The following LGI1 variants were observed in gnomAD, a reference collection of about 807,000 sequenced individuals.
LGI1 encodes leucine-rich glioma-inactivated protein 1.
LGI1 carries 11 observed loss-of-function variants against 57.7 expected under a neutral mutation model. The ratio of observed to expected loss-of-function variants is 0.19; its 90% confidence interval spans 0.12 to 0.32. LGI1 has a LOEUF of 0.32. Ranked by LOEUF, LGI1 falls within the 10% of genes least tolerant of loss-of-function variation. LGI1 has a pLI of 1.00. For synonymous variants in LGI1, 222 were observed against 241.9 expected (o/e 0.92, Z 0.76); for missense variants, 422 against 661.9 (o/e 0.64, Z 3.98).
chr10:93,759,249 T>C (rs1427783698), intron 2 of LGI1: 2 of 179,686 alleles, frequency 1.1e-5, no homozygotes, highest in Non-Finnish European at 2.3e-5. Context: ...CTACTCTGTA[T>C]GATTTACCAT....
intron 4 of LGI1, among the ~76,000 whole-genome samples, chr10:93,780,080 C>G (rs1421643844): frequency 6.6e-6 from 1 of 152,154 alleles, no homozygotes. Flanking sequence ...AAGATCTAGT[C>G]CCACCTTAGA....
intron 4 of LGI1, among the ~76,000 whole-genome samples, chr10:93,783,600 C>A (rs1712540652): frequency 6.6e-6 from 1 of 152,204 alleles, no homozygotes; most frequent in Non-Finnish European, 1.5e-5. Context: ...TTTGAGCTTT[C>A]TCCCCCAGTG....
intron 4 of LGI1, among the ~76,000 whole-genome samples, chr10:93,785,042 TTGAAG>T (rs541074311): frequency 6.0e-4 from 92 of 152,354 alleles, no homozygotes; most frequent in Middle Eastern, 3.4e-3. Flanking sequence ...CCAACTTTTC[TTGAAG>T]TGAAGAAATA....
At chr10:93,796,764 G>T (rs1259056471) in intron 7 of LGI1, among the ~76,000 whole-genome samples, 1 of 152,146 alleles carries the variant, frequency 6.6e-6, no homozygotes, top group African/African-American at 2.4e-5. Context: ...TCAATTGTTG[G>T]CAACAAGGCC....
At chr10:93,769,911 A>G (rs1014923616) in intron 2 of LGI1, 3 of 152,222 alleles carry the variant, frequency 2.0e-5, no homozygotes, top group Admixed American at 6.5e-5. Flanking sequence ...TGGGCCAGAT[A>G]CAATTCTAAT....
chr10:93,758,528 T>A lies in LGI1; in HGVS notation c.215+169T>A, dbSNP rs998989760. The stretch of plus-strand genomic sequence containing the variant: ...CTGCATTTAGAATTTTTGATTTTTT[T>A]AGCTGCTACTGAACATGCTTAGATA... On this transcript the variant is annotated intron_variant, in intron 1 of 7. Transcript: ENST00000371418. This position sits in a 1 kb window ranked among gnomAD's most constrained non-coding sequence, Gnocchi z 4.7. 8 of 765,234 alleles carry A rather than the reference T, an allele frequency of 1.0e-5. No homozygotes were observed. The highest frequency in any genetic ancestry group is 1.7e-5 in the Non-Finnish European group (8 of 457,240). 47.4% of individuals were successfully genotyped at this position (765,234 alleles called of 1,614,324 possible).
rs891111541 is a variant in LGI1 at position 93,758,462 on chromosome 10, T to C, written c.215+103T>C. Reference sequence around the variant, plus strand: ...TTGTAGAAGGGCATGGAGAGAGAGATTCCTCTTGCATGCTTGGCCATTTGA... The same window carrying C: ...TTGTAGAAGGGCATGGAGAGAGAGACTCCTCTTGCATGCTTGGCCATTTGA... On this transcript the variant is annotated intron_variant, in intron 1 of 7. Transcript: ENST00000371418. This position sits in a 1 kb window ranked among gnomAD's most constrained non-coding sequence, Gnocchi z 4.7. 4 of 1,174,330 alleles carry C rather than the reference T, an allele frequency of 3.4e-6. No individual in the cohort carries two copies. Among genetic ancestry groups the C allele is most frequent in the Non-Finnish European group, 5.1e-6 (4 of 791,110 alleles). The allele number at this position is 1,174,330 out of a possible 1,614,324, so 72.7% of individuals were successfully genotyped here.
intron 7 of LGI1, among the ~76,000 whole-genome samples, chr10:93,795,787 A>C (rs914329267): frequency 3.3e-5 from 5 of 152,224 alleles, no homozygotes; most frequent in Non-Finnish European, 5.9e-5. Context: ...TCCTTAATCT[A>C]GTCTAAAGTC....
intron 2 of LGI1, among the ~76,000 whole-genome samples, chr10:93,765,969 C>CAAA (rs35644716): frequency 7.4e-5 from 7 of 95,010 alleles, no homozygotes; most frequent in South Asian, 3.6e-4. Flanking sequence ...GCCTCCGTCT[C>CAAA]AAAAAAAAAA....
At chr10:93,765,969 C>CAAAAA (rs35644716) in intron 2 of LGI1, among the ~76,000 whole-genome samples, 62 of 94,976 alleles carry the variant, frequency 6.5e-4, no homozygotes, top group African/African-American at 2.1e-3. Flanking sequence ...GCCTCCGTCT[C>CAAAAA]AAAAAAAAAA....
chr10:93,774,169 G>A (rs1482974462), intron 2 of LGI1, among the ~76,000 whole-genome samples: 1 of 152,174 alleles, frequency 6.6e-6, no homozygotes, highest in South Asian at 2.1e-4. Flanking sequence ...AAAGGGGACA[G>A]TGTTTTGACT....
At chr10:93,792,044 C>T (rs1206920984) in intron 5 of LGI1, 1 of 152,560 alleles carries the variant, frequency 6.6e-6, no homozygotes, top group African/African-American at 2.4e-5. Flanking sequence ...CCTAGTACAA[C>T]TGAGAGACTG....
At chr10:93,794,750 A>C (rs777393882) in intron 7 of LGI1, 1 of 152,294 alleles carries the variant, frequency 6.6e-6, no homozygotes, top group Non-Finnish European at 1.5e-5. Context: ...GGCTCCCTCT[A>C]CAATTTTTAA....
chr10:93,776,798 A>G (rs1216755233), intron 2 of LGI1: 1 of 153,310 alleles, frequency 6.5e-6, no homozygotes, highest in Non-Finnish European at 1.5e-5. Context: ...AGCTTCAACT[A>G]TTTGGTAATA....
intron 4 of LGI1, among the ~76,000 whole-genome samples, chr10:93,785,977 C>A (rs1377517355): frequency 2.2e-5 from 1 of 45,434 alleles, no homozygotes; most frequent in African/African-American, 3.1e-5. Flanking sequence ...AGCCCGGTGC[C>A]CTCAGCAGCC....
Position 93,758,735 on chromosome 10 carries a change from T to C in LGI1, c.216-25T>C. On this transcript the variant is annotated intron_variant, in intron 1 of 7. Coordinates refer to ENST00000371418, the MANE Select transcript of LGI1 (RefSeq NM_005097.4). This position sits in a 1 kb window ranked among gnomAD's most constrained non-coding sequence, Gnocchi z 4.7. ...CTCTTTGTGTGTGTCTGTTTGTTTG[T>C]TTTCTCTTTTTTGTTTTCTTTCAGA... 6.4e-7 allele frequency: 1 copy of C among 1,562,744 alleles called. No homozygotes were observed. Among genetic ancestry groups the C allele is most frequent in the East Asian group, 2.2e-5 (1 of 44,606 alleles).
At chr10:93,772,721 C>G (rs1554904328) in intron 2 of LGI1, 1 of 152,016 alleles carries the variant, frequency 6.6e-6, no homozygotes, top group Non-Finnish European at 1.5e-5. Context: ...CTTCTTTAAG[C>G]TTTTGTGTTT....
intron 2 of LGI1, chr10:93,764,576 A>G (rs2059655203): frequency 6.6e-6 from 1 of 152,210 alleles, no homozygotes; most frequent in African/African-American, 2.4e-5. Flanking sequence ...AATGAGGCAG[A>G]CAACACAGAC....
At chr10:93,761,351 C>T (rs953650717) in intron 2 of LGI1, among the ~76,000 whole-genome samples, 3 of 152,196 alleles carry the variant, frequency 2.0e-5, no homozygotes, top group Non-Finnish European at 2.9e-5. Flanking sequence ...GCCACACTCA[C>T]CCATCATACA....
Sources: allele counts gnomAD v4.1 joint callset (sites outside exome capture counted in the v4.1 genomes callset), GRCh38; gene constraint gnomAD v4.1.1; non-coding constraint Gnocchi (gnomAD v3.1); transcripts MANE v1.5; gene names NCBI Gene and HGNC (gene_info 2026-07-23, HGNC 2026-07-21).